The following PGPEP1 variants were observed in gnomAD, a reference collection of about 807,000 sequenced individuals.
PGPEP1 encodes pyroglutamyl-peptidase I, also known as pyroglutamyl-peptidase 1.
In PGPEP1, 15 loss-of-function variants were observed where a neutral mutation model predicts 24.1. The observed-to-expected ratio is 0.62, with a 90% CI of 0.42 to 0.96. PGPEP1 has a LOEUF of 0.96. Among genes scored for constraint, PGPEP1 ranks in the 40% least tolerant of loss-of-function variants. PGPEP1 has a pLI of 0.00. For missense variants in PGPEP1, 242 were observed against 273.4 expected (o/e 0.89, Z 0.81); for synonymous variants, 122 against 116.4 (o/e 1.05, Z -0.31).
chr19:18,362,753 G>T (rs1240115583), intron 4 of PGPEP1, among the ~76,000 whole-genome samples: 1 of 150,704 alleles, frequency 6.6e-6, no homozygotes, highest in Non-Finnish European at 1.5e-5. Context: ...AAAGCCAGTG[G>T]TGGTGGTGCA....
Position 18,368,658 on chromosome 19 carries a change from GA to G in PGPEP1, c.*5076del, listed in dbSNP as rs1378415643. ...CTGGGGAGGTGACCAGGTGGAGGGG[GA>G]TGGCTCATGGAAATCTGTCCCGCAC... On this transcript the variant is annotated 3_prime_UTR_variant, in exon 5 of 5. Transcript: ENST00000269919. The G allele has an allele frequency of 6.5e-6, 1 of 153,112 alleles. No homozygotes were observed. Among genetic ancestry groups the G allele is most frequent in the African/African-American group, 2.4e-5 (1 of 41,468 alleles). 9.5% of individuals were successfully genotyped at this position (153,112 alleles called of 1,614,324 possible).
At chr19:18,346,867 C>T (rs369178306) in intron 2 of PGPEP1, among the ~76,000 whole-genome samples, 285 of 151,506 alleles carry the variant, frequency 1.9e-3, no homozygotes, top group African/African-American at 6.5e-3. Flanking sequence ...CTTGAACTCC[C>T]GACCTCAGGT....
chr19:18,363,688 T>G lies in PGPEP1; in HGVS notation c.*105T>G. The G allele has an allele frequency of 1.3e-6, 1 of 756,306 alleles. No homozygotes were observed. The highest frequency in any genetic ancestry group is 1.7e-5 in the African/African-American group (1 of 57,480). The allele number at this position is 756,306 out of a possible 1,614,324, so 46.8% of individuals were successfully genotyped here. A position where few individuals can be genotyped will look rare whatever the true frequency, so the allele number is the denominator to read the frequency against. On this transcript the variant is annotated 3_prime_UTR_variant, in exon 5 of 5. Transcript: ENST00000269919. ...AAAGACAAGCTCTTCAGCTTGGGGA[T>G]CCGATCTGGAAGAGAGATTCTGATC... is the stretch of plus-strand genomic sequence containing the variant.
In PGPEP1 at chr19:18,368,294, C is replaced by T. The variant is rs1376411252; in HGVS notation, c.*4711C>T. On this transcript the variant is annotated 3_prime_UTR_variant, in exon 5 of 5. Transcript: ENST00000269919. ...CTCTACTAAAAATACAAAAATTAGT[C>T]AAGAGTGGATGGTGCGTGCCTGTAA... is the stretch of plus-strand genomic sequence containing the variant. 1.3e-5 allele frequency: 2 copies of T among 152,002 alleles called. No individual in the cohort carries two copies. Among genetic ancestry groups the T allele is most frequent in the Admixed American group, 6.6e-5 (1 of 15,232 alleles). 9.4% of individuals were successfully genotyped at this position (152,002 alleles called of 1,614,324 possible).
chr19:18,359,030 A>G lies in PGPEP1; in HGVS notation c.437+1415A>G, dbSNP rs555409702. Among the ~76,000 whole-genome samples, 10 of 152,188 alleles carry G rather than the reference A, an allele frequency of 6.6e-5. No homozygotes were observed. The South Asian group carries it at 2.1e-3, about 32-fold the overall frequency. ...GGGCCAGGCGCAGTGGCTCATGCCT[A>G]TAATCCTAGCACTTCGGGAGGCCAA... On this transcript the variant is annotated intron_variant, in intron 4 of 4. Coordinates refer to ENST00000269919, the MANE Select transcript of PGPEP1 (RefSeq NM_017712.4).
intron 1 of PGPEP1, 96 bp from the exon 2 acceptor site, chr19:18,342,763 C>A: frequency 1.1e-6 from 1 of 945,180 alleles, no homozygotes; most frequent in Non-Finnish European, 1.7e-6. Flanking sequence ...CCCTGAAGCT[C>A]CTTTCTTGCT....
chr19:18,354,961 CTTTTTTTTT>C (rs761843314), intron 2 of PGPEP1, among the ~76,000 whole-genome samples: 8 of 94,732 alleles, frequency 8.4e-5, no homozygotes, highest in Non-Finnish European at 1.2e-4. Context: ...TAAGTCGATA[CTTTTTTTTT>C]TTTTTTTTTT....
chr19:18,352,916 A>G, intron 2 of PGPEP1, among the ~76,000 whole-genome samples: 1 of 141,996 alleles, frequency 7.0e-6, no homozygotes, highest in East Asian at 2.0e-4. Flanking sequence ...AACAGGTTGA[A>G]TCTTTTTTTT....
At chr19:18,358,011 G>A (rs1202463062) in intron 4 of PGPEP1, 2 of 239,060 alleles carry the variant, frequency 8.4e-6, no homozygotes, top group Non-Finnish European at 1.7e-5. Context: ...AACAGCCTTG[G>A]AAGTCAGAAG....
intron 2 of PGPEP1, among the ~76,000 whole-genome samples, chr19:18,348,395 C>T (rs187600659): frequency 3.9e-5 from 6 of 152,224 alleles, no homozygotes; most frequent in African/African-American, 7.2e-5. Context: ...ATCGGTCAGA[C>T]GAGGCTGCGC....
chr19:18,362,652 G>C (rs1306555001), intron 4 of PGPEP1, among the ~76,000 whole-genome samples: 1 of 150,384 alleles, frequency 6.6e-6, no homozygotes, highest in Non-Finnish European at 1.5e-5. Flanking sequence ...CACTTGAGCC[G>C]AGGAGGCAGA....
intron 3 of PGPEP1, among the ~76,000 whole-genome samples, chr19:18,356,519 G>A (rs1293371708): frequency 6.6e-6 from 1 of 151,980 alleles, no homozygotes; most frequent in Non-Finnish European, 1.5e-5. Flanking sequence ...GGCCGAGGCA[G>A]GAGGATTGCT....
chr19:18,346,902 A>T, intron 2 of PGPEP1, among the ~76,000 whole-genome samples: 1 of 151,458 alleles, frequency 6.6e-6, no homozygotes, highest in Non-Finnish European at 1.5e-5. Context: ...GGCCTCCCAA[A>T]GTGCTGGGAT....
chr19:18,352,045 G>A (rs1356523665), intron 2 of PGPEP1, among the ~76,000 whole-genome samples: 2 of 151,898 alleles, frequency 1.3e-5, no homozygotes, highest in East Asian at 3.9e-4. Flanking sequence ...GCCGAGATGG[G>A]CGGATCACGA....
chr19:18,362,336 G>A (rs549651447), intron 4 of PGPEP1, among the ~76,000 whole-genome samples: 1 of 152,052 alleles, frequency 6.6e-6, no homozygotes, highest in African/African-American at 2.4e-5. Context: ...GAACCCGGGA[G>A]GCGAAGGTTG....
chr19:18,355,931 C>T lies in PGPEP1; in HGVS notation c.124C>T (p.Leu42=). 1 of 1,613,532 alleles carries T rather than the reference C, an allele frequency of 6.2e-7. No homozygotes were observed. Among genetic ancestry groups the T allele is most frequent in the Non-Finnish European group, 8.5e-7 (1 of 1,179,554 alleles). Reference sequence around the variant, plus strand: ...GCTAGGCCTTGGCGACAGCGTGGACCTGCATGTGTACGAGATTCCGGTTGA... The same window carrying T: ...GCTAGGCCTTGGCGACAGCGTGGACTTGCATGTGTACGAGATTCCGGTTGA... ...EKLGLGDSVD[L]HVYEIPVEYQ... is the part of the protein sequence containing the mutation. The change falls in exon 3 of 5, where the codon CTG becomes TTG. Residue 42 remains leucine (L), a synonymous_variant. Coordinates refer to ENST00000269919, the MANE Select transcript of PGPEP1 (RefSeq NM_017712.4).
chr19:18,345,160 C>G (rs1304858876), intron 2 of PGPEP1, among the ~76,000 whole-genome samples: 1 of 152,014 alleles, frequency 6.6e-6, no homozygotes, highest in Non-Finnish European at 1.5e-5. Flanking sequence ...CACCACCAGG[C>G]CCGGCTAATT....
chr19:18,340,750 C>CCGGGGGCAGAGG (rs1970647591), intron 1 of PGPEP1, 35 bp downstream of exon 1: 2 of 1,432,552 alleles, frequency 1.4e-6, no homozygotes, highest in African/African-American at 1.5e-5. Context: ...GCGGCAGCGG[C>CCGGGGGCAGAGG]CGGGGGCAGA....
At chr19:18,354,617 A>T (rs1000772866) in intron 2 of PGPEP1, among the ~76,000 whole-genome samples, 16 of 152,160 alleles carry the variant, frequency 1.1e-4, no homozygotes, top group Non-Finnish European at 2.1e-4. Context: ...GCCTGGGCTT[A>T]GGTAATCCTC....
Sources: allele counts gnomAD v4.1 joint callset (sites outside exome capture counted in the v4.1 genomes callset), GRCh38; gene constraint gnomAD v4.1.1; transcripts MANE v1.5; gene names NCBI Gene and HGNC (gene_info 2026-07-23, HGNC 2026-07-21).